Variants in AGAP1 observed in about 807,000 individuals in gnomAD.
AGAP1 encodes the protein arf-GAP with GTPase, ANK repeat and PH domain-containing protein 1.
In AGAP1, 29 loss-of-function variants were observed where a neutral mutation model predicts 105.3. The ratio of observed to expected loss-of-function variants is 0.28; its 90% CI spans 0.21 to 0.38. AGAP1 has a LOEUF of 0.38. Among genes scored for constraint, AGAP1 ranks in the 10% least tolerant of loss-of-function variants. AGAP1 has a pLI of 1.00. For synonymous variants in AGAP1, 509 were observed against 485.9 expected (o/e 1.05, Z -0.63); for missense variants, 998 against 1,165.1 (o/e 0.86, Z 2.09).
Position 235,572,232 on chromosome 2 carries a change from G to A in AGAP1, c.163+77383G>A, listed in dbSNP as rs150739643. On this transcript the variant is annotated intron_variant, in intron 1 of 17. Transcript: ENST00000304032. The stretch of plus-strand genomic sequence containing the variant: ...AGATTGCGTGCCGTGCCCTGTGTGT[G>A]TGTCAGCTGACTCTTGACCCCCGCT... 6.6e-4 allele frequency among the ~76,000 whole-genome samples: 100 copies of A among 151,962 alleles called. No individual in the cohort carries two copies. The Middle Eastern group carries it at 0.014, about 21-fold the overall frequency.
At chr2:236,028,330 G>A (rs1443576718) in intron 13 of AGAP1, among the ~76,000 whole-genome samples, 23 of 152,160 alleles carry the variant, frequency 1.5e-4, no homozygotes, top group Non-Finnish European at 2.8e-4. Context: ...TGGTTAATCC[G>A]TCACCTCCAG....
At chr2:235,857,258 G>A (rs1407149968) in intron 9 of AGAP1, among the ~76,000 whole-genome samples, 2 of 152,160 alleles carry the variant, frequency 1.3e-5, no homozygotes, top group Non-Finnish European at 2.9e-5. Context: ...GCACATGCAA[G>A]GGATCTAGGA....
chr2:235,706,474 C>T (rs573941546), intron 1 of AGAP1, among the ~76,000 whole-genome samples: 4 of 152,122 alleles, frequency 2.6e-5, no homozygotes, highest in Admixed American at 6.5e-5. Context: ...GTGATCCGCC[C>T]GCCTCGGCCT....
rs116233985 is a variant in AGAP1, at chr2:235,843,648, C to T, written c.1050+36317C>T. ...GTCTTTCTGCACCTGGGCTCCCCTC[C>T]GCCCTGCATCTGAGATCTCTGTTTT... On this transcript the variant is annotated intron_variant, in intron 9 of 17. Transcript: ENST00000304032. This position sits in a 1 kb window ranked among gnomAD's most constrained non-coding sequence, Gnocchi z 5.9. Among the ~76,000 whole-genome samples the T allele has an allele frequency of 1.2e-3, 178 of 152,212 alleles. No individual in the cohort carries two copies. The highest frequency in any genetic ancestry group is 4.0e-3 in the African/African-American group (166 of 41,536).
intron 3 of AGAP1, among the ~76,000 whole-genome samples, chr2:235,722,713 G>T (rs1311355237): frequency 2.0e-5 from 3 of 152,146 alleles, no homozygotes; most frequent in African/African-American, 7.2e-5. Flanking sequence ...GGTCCCAGGG[G>T]TTAGGGCTTG....
intron 1 of AGAP1, among the ~76,000 whole-genome samples, chr2:235,503,332 T>G (rs1941646018): frequency 6.6e-6 from 1 of 152,162 alleles, no homozygotes; most frequent in African/African-American, 2.4e-5. Flanking sequence ...TTTGTTGTTG[T>G]TTTCGAAGGT....
At chr2:236,057,534 A>G (rs1356746776) in intron 16 of AGAP1, among the ~76,000 whole-genome samples, 1 of 152,048 alleles carries the variant, frequency 6.6e-6, no homozygotes, top group Non-Finnish European at 1.5e-5. Context: ...ATCCACCCAC[A>G]CAAGTGCAGG....
rs1438159381 is a variant in AGAP1, at chr2:235,887,636, C to G, written c.1155+4187C>G. ...CCTGCATTGATCTCATATAGCATAG[C>G]CTACAGCCCGTTCTTTTCCACAGAG... On this transcript the variant is annotated intron_variant, in intron 10 of 17. Transcript: ENST00000304032. The surrounding 1 kb of genome is among the most constrained non-coding windows in gnomAD (Gnocchi z 4.1). Among the ~76,000 whole-genome samples the G allele has an allele frequency of 6.6e-6, 1 of 152,148 alleles. No homozygotes were observed. The highest frequency in any genetic ancestry group is 1.5e-5 in the Non-Finnish European group (1 of 68,048).
At position 235,555,558 on chromosome 2, in the gene AGAP1, G is replaced by C. The variant is rs1242673401; in HGVS notation, c.163+60709G>C. Among the ~76,000 whole-genome samples, 1 of 152,250 alleles carries C rather than the reference G, an allele frequency of 6.6e-6. No individual in the cohort carries two copies. Among genetic ancestry groups the C allele is most frequent in the Admixed American group, 6.5e-5 (1 of 15,292 alleles). ...CATGTTCCCTCTGCCACCGCCAGCT[G>C]TCCTGCAGCAGGAAGAGGTAGTCAT... On this transcript the variant is annotated intron_variant, in intron 1 of 17. Coordinates refer to ENST00000304032, the MANE Select transcript of AGAP1 (RefSeq NM_001037131.3). The surrounding 1 kb of genome is among the most constrained non-coding windows in gnomAD (Gnocchi z 5.1).
rs2054272445 is a variant in AGAP1, at chr2:235,963,537, C to T, written c.1484-4925C>T. On this transcript the variant is annotated intron_variant, in intron 12 of 17. Transcript: ENST00000304032. The surrounding 1 kb of genome is among the most constrained non-coding windows in gnomAD (Gnocchi z 5.1). ...TGTGAGTTGGGTACCATATAGCCCT[C>T]AGCAGAGTATTTGACAAGATTTTTC... 6.6e-6 allele frequency among the ~76,000 whole-genome samples: 1 copy of T among 152,214 alleles called. No homozygotes were observed. Among genetic ancestry groups the T allele is most frequent in the Admixed American group, 6.5e-5 (1 of 15,288 alleles).
In AGAP1 at chr2:236,128,350, T is replaced by A. The variant is rs1161132470; in HGVS notation, c.*4228T>A. On this transcript the variant is annotated 3_prime_UTR_variant, in exon 18 of 18. Transcript: ENST00000304032. This position sits in a 1 kb window ranked among gnomAD's most constrained non-coding sequence, Gnocchi z 5.9. ...CCCCCACAGCCTGTTGAGGTGCCGTTGACGTGGACAGCGCCCCTCCCTTAA... is the reference window on the plus strand; with the variant it reads ...CCCCCACAGCCTGTTGAGGTGCCGTAGACGTGGACAGCGCCCCTCCCTTAA... 1 of 152,512 alleles carries A rather than the reference T, an allele frequency of 6.6e-6. No homozygotes were observed. Among genetic ancestry groups the A allele is most frequent in the African/African-American group, 2.4e-5 (1 of 41,422 alleles). The allele number at this position is 152,512 out of a possible 1,614,324, so 9.4% of individuals were successfully genotyped here. A position where few individuals can be genotyped will look rare whatever the true frequency, so the allele number is the denominator to read the frequency against.
chr2:235,915,661 G>A (rs6414041), intron 11 of AGAP1, among the ~76,000 whole-genome samples: 117,409 of 151,572 alleles, frequency 0.77, 45,574 homozygotes, highest in East Asian at 0.98. Flanking sequence ...GCAACAGAGT[G>A]AGGCCTGTGT....
chr2:235,926,396 G>A (rs947263771), intron 11 of AGAP1, among the ~76,000 whole-genome samples: 7 of 152,184 alleles, frequency 4.6e-5, no homozygotes, highest in East Asian at 3.9e-4. Context: ...CTCCATGGGC[G>A]TGTTAACCCA....
Position 235,883,488 on chromosome 2 carries a change from C to T in AGAP1, c.1155+39C>T. 7.1e-6 allele frequency: 11 copies of T among 1,543,496 alleles called. No homozygotes were observed. The highest frequency in any genetic ancestry group is 9.8e-6 in the Non-Finnish European group (11 of 1,117,940). On this transcript the variant is annotated intron_variant, in intron 10 of 17. Transcript: ENST00000304032. The surrounding 1 kb of genome is among the most constrained non-coding windows in gnomAD (Gnocchi z 4.5). ...CCTCGGAGCAATTAACAGCTGCAGA[C>T]CTCAACTAAACACTGTGGGGAAGGG... is the stretch of plus-strand genomic sequence containing the variant.
intron 1 of AGAP1, among the ~76,000 whole-genome samples, chr2:235,521,241 A>G (rs1045297962): frequency 2.6e-5 from 4 of 152,120 alleles, no homozygotes; most frequent in African/African-American, 9.7e-5. Context: ...ATCACATGGA[A>G]TTGGTCTTCT....
intron 1 of AGAP1, among the ~76,000 whole-genome samples, chr2:235,650,536 G>A (rs1168272714): frequency 6.6e-6 from 1 of 152,064 alleles, no homozygotes; most frequent in Non-Finnish European, 1.5e-5. Flanking sequence ...CTGGGGATAT[G>A]GCAAAGAAGT....
At chr2:235,773,931 A>G (rs941248656) in intron 6 of AGAP1, 11 of 468,258 alleles carry the variant, frequency 2.3e-5, no homozygotes, top group African/African-American at 6.0e-5. Context: ...TTTGAAGACA[A>G]TCAACTCTTC....
rs959694590 is a variant in AGAP1, at chr2:235,721,810, T to C, written c.310+4166T>C. ...TTCCTGTCTTCAGGGGAGAGCTCTC[T>C]TGTGGTAGAAACATTTCTGGTGCAG... is the stretch of plus-strand genomic sequence containing the variant. On this transcript the variant is annotated intron_variant, in intron 3 of 17. Transcript: ENST00000304032. This position sits in a 1 kb window ranked among gnomAD's most constrained non-coding sequence, Gnocchi z 4.5. Among the ~76,000 whole-genome samples, 3 of 152,044 alleles carry C rather than the reference T, an allele frequency of 2.0e-5. No individual in the cohort carries two copies. Among genetic ancestry groups the C allele is most frequent in the Non-Finnish European group, 4.4e-5 (3 of 67,996 alleles).
In AGAP1 at chr2:236,036,439, C is replaced by T. The variant is rs551325541; in HGVS notation, c.1646-122C>T. On this transcript the variant is annotated intron_variant, in intron 13 of 17. Transcript: ENST00000304032. The surrounding 1 kb of genome is among the most constrained non-coding windows in gnomAD (Gnocchi z 5.7). ...CTCCGCCGCCGTGGTTGTCCAGTGC[C>T]GTGCGCCTCACCGGTCCATGCAGGG... 137 of 1,307,910 alleles carry T rather than the reference C, an allele frequency of 1.0e-4. 1 individual carries two copies. The South Asian group carries it at 1.4e-3, about 14-fold the overall frequency. The allele number at this position is 1,307,910 out of a possible 1,614,324, so 81.0% of individuals were successfully genotyped here.
Sources: gnomAD v4.1 joint callset for allele counts (sites outside exome capture counted in the v4.1 genomes callset) on GRCh38, gnomAD v4.1.1 for gene constraint, Gnocchi (gnomAD v3.1) non-coding constraint, MANE v1.5 for transcripts, NCBI Gene and HGNC (gene_info 2026-07-23, HGNC 2026-07-21) for gene names.